Variants in TENM2 observed in about 807,000 individuals in gnomAD.
TENM2 encodes teneurin-2.
In TENM2, 52 loss-of-function variants were observed where a neutral mutation model predicts 245.2. The observed-to-expected ratio is 0.21, with a 90% confidence interval of 0.17 to 0.27. TENM2 has a LOEUF of 0.27. TENM2 is among the 10% of genes least tolerant of loss of function. The pLI is 1.00. For synonymous variants in TENM2, 1,363 were observed against 1,438.9 expected, an observed-to-expected ratio of 0.95 and a Z score of 1.19; for missense variants, 3,046 against 3,666.8, an observed-to-expected ratio of 0.83 and a Z score of 4.37.
the TENM2 span, among the ~76,000 whole-genome samples, chr5:167,050,004 G>A: frequency 6.6e-6 from 1 of 152,276 alleles, no homozygotes; most frequent in East Asian, 1.9e-4. Flanking sequence ...GTCAAAGGTG[G>A]AGTTGAGATG....
At chr5:167,144,646 C>G in the TENM2 span, among the ~76,000 whole-genome samples, 1 of 152,160 alleles carries the variant, frequency 6.6e-6, no homozygotes, top group South Asian at 2.1e-4. Flanking sequence ...CATCTATTTC[C>G]TCTTCCTTTT....
chr5:167,827,636 G>GT (rs1554126524), intron 2 of TENM2, among the ~76,000 whole-genome samples: 1 of 105,682 alleles, frequency 9.5e-6, no homozygotes, highest in Non-Finnish European at 1.9e-5. Flanking sequence ...GGCGGGGGGG[G>GT]GGGAACAGTT....
chr5:167,473,174 C>G (rs1303679256), intron 2 of TENM2, among the ~76,000 whole-genome samples: 1 of 152,132 alleles, frequency 6.6e-6, no homozygotes, highest in African/African-American at 2.4e-5. Context: ...TATGTACATA[C>G]CTATGTAGGC....
intron 2 of TENM2, among the ~76,000 whole-genome samples, chr5:167,676,644 GT>G (rs1756350472): frequency 6.6e-6 from 1 of 152,080 alleles, no homozygotes; most frequent in Non-Finnish European, 1.5e-5. Context: ...GAAAGAGTGT[GT>G]GTGTCTGTTT....
At chr5:167,674,830 T>C (rs560601108) in intron 2 of TENM2, among the ~76,000 whole-genome samples, 1 of 152,252 alleles carries the variant, frequency 6.6e-6, no homozygotes, top group South Asian at 2.1e-4. Context: ...TGTGTTTCTA[T>C]ACTAGCTGGT....
chr5:167,640,854 T>TCC (rs1561628653), intron 2 of TENM2, among the ~76,000 whole-genome samples: 6 of 64,530 alleles, frequency 9.3e-5, no homozygotes, highest in African/African-American at 3.2e-4. Flanking sequence ...TATATATATA[T>TCC]ATATCCATAT....
At chr5:167,801,282 T>C (rs986497386) in intron 2 of TENM2, among the ~76,000 whole-genome samples, 1 of 151,704 alleles carries the variant, frequency 6.6e-6, no homozygotes. Context: ...TTTTGAAAAT[T>C]TCTTGGTGGC....
chr5:166,979,521 C>T, the TENM2 span, among the ~76,000 whole-genome samples: 1 of 152,126 alleles, frequency 6.6e-6, no homozygotes, highest in African/African-American at 2.4e-5. Flanking sequence ...GACCGAGCTG[C>T]TGGTAAATGT....
chr5:167,247,928 C>A, the TENM2 span, among the ~76,000 whole-genome samples: 37,836 of 151,914 alleles, frequency 0.25, 5,554 homozygotes, highest in East Asian at 0.46. Context: ...CCAGATGTAC[C>A]AAGCATCAGT....
chr5:168,089,166 A>G (rs1160858548), intron 7 of TENM2, among the ~76,000 whole-genome samples: 4 of 152,130 alleles, frequency 2.6e-5, no homozygotes, highest in African/African-American at 9.7e-5. Flanking sequence ...CTCCTTCATC[A>G]TCTCTGTCCA....
At chr5:168,065,451 G>C (rs1228778081) in intron 7 of TENM2, among the ~76,000 whole-genome samples, 2 of 152,092 alleles carry the variant, frequency 1.3e-5, no homozygotes, top group Non-Finnish European at 2.9e-5. Context: ...TATGTAACCT[G>C]CTTCACAATA....
At chr5:167,580,640 C>G (rs1366198721) in intron 2 of TENM2, among the ~76,000 whole-genome samples, 1 of 152,262 alleles carries the variant, frequency 6.6e-6, no homozygotes, top group Non-Finnish European at 1.5e-5. Context: ...CACCAGACCA[C>G]CTTCCAAGTC....
chr5:167,230,031 T>C, the TENM2 span, among the ~76,000 whole-genome samples: 1 of 152,112 alleles, frequency 6.6e-6, no homozygotes. Flanking sequence ...ATGGGCAGGA[T>C]TGCTTCTTGT....
the TENM2 span, among the ~76,000 whole-genome samples, chr5:167,143,758 C>T: frequency 6.6e-6 from 1 of 152,172 alleles, no homozygotes; most frequent in African/African-American, 2.4e-5. Context: ...TAAGCCGATT[C>T]TTACAAAGCC....
At chr5:167,510,970 G>T (rs995469345) in intron 2 of TENM2, among the ~76,000 whole-genome samples, 1 of 151,870 alleles carries the variant, frequency 6.6e-6, no homozygotes, top group Non-Finnish European at 1.5e-5. Flanking sequence ...AGAGAGAAAT[G>T]GATTTGGGGA....
chr5:167,444,692 G>A (rs1272729050), intron 2 of TENM2, among the ~76,000 whole-genome samples: 2 of 152,152 alleles, frequency 1.3e-5, no homozygotes, highest in Admixed American at 1.3e-4. Flanking sequence ...GCTAGTAAGA[G>A]TTTATGCTGA....
At chr5:167,178,813 T>A in the TENM2 span, among the ~76,000 whole-genome samples, 4 of 152,190 alleles carry the variant, frequency 2.6e-5, no homozygotes, top group African/African-American at 9.7e-5. Context: ...CACACACGCA[T>A]ATAAAATGGG....
chr5:167,125,320 G>A, the TENM2 span, among the ~76,000 whole-genome samples: 1 of 152,226 alleles, frequency 6.6e-6, no homozygotes, highest in Non-Finnish European at 1.5e-5. Context: ...TTAAGTACAC[G>A]ATCAGTAACT....
At chr5:167,528,926 C>A (rs1771301474) in intron 2 of TENM2, among the ~76,000 whole-genome samples, 1 of 152,120 alleles carries the variant, frequency 6.6e-6, no homozygotes, top group South Asian at 2.1e-4. Flanking sequence ...CTATATATTC[C>A]CACGTGATTT....
Sources: allele counts gnomAD v4.1 joint callset (sites outside exome capture counted in the v4.1 genomes callset), GRCh38; gene constraint gnomAD v4.1.1; transcripts MANE v1.5; gene names NCBI Gene and HGNC (gene_info 2026-07-23, HGNC 2026-07-21).